CYP4Z1: variants seen among roughly 807,000 people sequenced by gnomAD.
CYP4Z1 encodes cytochrome P450 family 4 subfamily Z member 1, also known as cytochrome P450 4Z1.
CYP4Z1 carries 41 observed loss-of-function variants against 54.2 expected under a neutral mutation model. The observed-to-expected ratio is 0.76, with a 90% confidence interval of 0.59 to 0.98. The LOEUF is 0.98. Ranked by LOEUF, CYP4Z1 falls within the 50% of genes least tolerant of loss-of-function variation. The probability of loss-of-function intolerance (pLI) is 0.00; values close to 1 mark genes in which losing one functional copy is unlikely to be tolerated. For missense variants in CYP4Z1, 513 were observed against 599.0 expected (o/e 0.86, Z 1.50); for synonymous variants, 163 against 206.2 (o/e 0.79, Z 1.79).
intron 7 of CYP4Z1, 110 bp from the exon 8 acceptor site, chr1:47,098,984 A>G: frequency 7.7e-7 from 1 of 1,294,022 alleles, no homozygotes; most frequent in East Asian, 2.4e-5. Flanking sequence ...AATTAGTTGT[A>G]TTAATTTTGA....
At chr1:47,106,456 G>A (rs1644758480) in intron 9 of CYP4Z1, among the ~76,000 whole-genome samples, 195 bp downstream of exon 9, 1 of 152,022 alleles carries the variant, frequency 6.6e-6, no homozygotes, top group South Asian at 2.1e-4. Context: ...AAGGTGCAAA[G>A]GTACAGAATC....
At chr1:47,113,962 C>T (rs1468347265) in intron 9 of CYP4Z1, among the ~76,000 whole-genome samples, 1 of 152,052 alleles carries the variant, frequency 6.6e-6, no homozygotes, top group Non-Finnish European at 1.5e-5. Flanking sequence ...GTTCATATGG[C>T]ACCAAAAAAG....
the CYP4Z1 span, among the ~76,000 whole-genome samples, chr1:47,057,374 AT>A: frequency 8.7e-6 from 1 of 114,578 alleles, no homozygotes; most frequent in Non-Finnish European, 1.8e-5. Context: ...ATATATATAT[AT>A]ATGTATATTC....
intron 9 of CYP4Z1, among the ~76,000 whole-genome samples, chr1:47,109,811 C>A (rs1427968847): frequency 6.7e-6 from 1 of 150,258 alleles, no homozygotes; most frequent in East Asian, 1.9e-4. Flanking sequence ...AGTTTTTTTC[C>A]AGGGAATCTT....
chr1:47,086,081 T>A (rs1346332990), intron 6 of CYP4Z1, among the ~76,000 whole-genome samples: 1 of 152,132 alleles, frequency 6.6e-6, no homozygotes, highest in African/African-American at 2.4e-5. Flanking sequence ...ATTTTCTTAA[T>A]CCAGTCTATC....
chr1:47,105,923 G>A (rs559603972), intron 8 of CYP4Z1, among the ~76,000 whole-genome samples: 2 of 152,194 alleles, frequency 1.3e-5, no homozygotes, highest in Non-Finnish European at 2.9e-5. Context: ...ATCTGCGGGG[G>A]GGGGAGAATC....
chr1:47,078,317 T>C (rs979031532), intron 2 of CYP4Z1, among the ~76,000 whole-genome samples: 13 of 152,198 alleles, frequency 8.5e-5, no homozygotes, highest in Non-Finnish European at 1.8e-4. Flanking sequence ...AATCAACTGT[T>C]GAAACCTTAT....
At chr1:47,095,992 A>G (rs938863785) in intron 7 of CYP4Z1, among the ~76,000 whole-genome samples, 1 of 151,964 alleles carries the variant, frequency 6.6e-6, no homozygotes, top group African/African-American at 2.4e-5. Flanking sequence ...CTCAACTTTC[A>G]TTGTGTTGGC....
Position 47,115,556 on chromosome 1 carries a change from C to G in CYP4Z1, c.1229C>G (p.Ala410Gly). 1 of 1,613,478 alleles carries G rather than the reference C, an allele frequency of 6.2e-7. No individual in the cohort carries two copies. The highest frequency in any genetic ancestry group is 8.5e-7 in the Non-Finnish European group (1 of 1,179,736). Residue 410 changes from alanine (A) to glycine (G), a missense_variant, in exon 10 of 12, where the codon GCT becomes GGT. Coordinates refer to ENST00000334194, the MANE Select transcript of CYP4Z1 (RefSeq NM_178134.3). ...ATAACTGTGTTTATCAATATTTGGG[C>G]TCTTCACCACAACCCCTATTTCTGG... ...AGITVFINIW[A>G]LHHNPYFWED... is the part of the protein sequence containing the mutation.
chr1:47,062,944 C>G (rs1407273989), upstream of CYP4Z1, among the ~76,000 whole-genome samples: 2 of 152,192 alleles, frequency 1.3e-5, no homozygotes, highest in Admixed American at 6.5e-5. Context: ...AAAACCAGTG[C>G]ACTAACAAAA....
chr1:47,114,946 G>A (rs1644818997), intron 9 of CYP4Z1, among the ~76,000 whole-genome samples: 1 of 152,134 alleles, frequency 6.6e-6, no homozygotes, highest in African/African-American at 2.4e-5. Context: ...CCATTACTAG[G>A]TATATACCCA....
chr1:47,112,822 T>C (rs1474967725), intron 9 of CYP4Z1, among the ~76,000 whole-genome samples: 1 of 152,122 alleles, frequency 6.6e-6, no homozygotes, highest in Non-Finnish European at 1.5e-5. Context: ...ATATTAGGAA[T>C]CCATTAATAT....
chr1:47,089,746 T>G (rs932119329), intron 6 of CYP4Z1, among the ~76,000 whole-genome samples: 1 of 152,344 alleles, frequency 6.6e-6, no homozygotes, highest in Non-Finnish European at 1.5e-5. Flanking sequence ...GCTATTTTTT[T>G]GAGAACCCTT....
chr1:47,074,483 T>G (rs1324404459), intron 2 of CYP4Z1, among the ~76,000 whole-genome samples: 1 of 152,118 alleles, frequency 6.6e-6, no homozygotes, highest in Admixed American at 6.5e-5. Flanking sequence ...ATGATGTGAT[T>G]TCATTGTTTT....
Position 47,106,227 on chromosome 1 carries a change from C to A in CYP4Z1, c.1167C>A (p.Pro389=). The change falls in exon 9 of 12, where the codon CCC becomes CCA. Residue 389 remains proline, a synonymous_variant. Transcript: ENST00000334194. ...VVNISRLLDK[P]ITFPDGRSLP... ...ACATATCCCGGTTACTCGACAAACC[C>A]ATCACCTTTCCAGATGGACGCTCCT... The A allele has an allele frequency of 6.2e-7, 1 of 1,613,366 alleles. No homozygotes were observed. Among genetic ancestry groups the A allele is most frequent in the Non-Finnish European group, 8.5e-7 (1 of 1,179,790 alleles).
chr1:47,107,177 TC>T (rs548917965), intron 9 of CYP4Z1, among the ~76,000 whole-genome samples: 1 of 152,340 alleles, frequency 6.6e-6, no homozygotes, highest in South Asian at 2.1e-4. Flanking sequence ...ATGTGTTAAC[TC>T]ATTTTATCCA....
At chr1:47,116,620 T>G (rs10890465) in intron 10 of CYP4Z1, 30 bp from the exon 11 acceptor site, 579,353 of 1,462,014 alleles carry the variant, frequency 0.4, 128,474 homozygotes, top group East Asian at 0.98. Context: ...GCTGGAGGGA[T>G]TAGGACTGGG....
At chr1:47,111,484 T>C (rs1471518884) in intron 9 of CYP4Z1, among the ~76,000 whole-genome samples, 1 of 152,156 alleles carries the variant, frequency 6.6e-6, no homozygotes, top group East Asian at 1.9e-4. Flanking sequence ...TGCCCAGCCC[T>C]GCAATTTTTT....
intron 8 of CYP4Z1, among the ~76,000 whole-genome samples, chr1:47,103,575 C>CT (rs369939162): frequency 0.016 from 2,040 of 128,576 alleles, 51 homozygotes; most frequent in African/African-American, 0.056. Context: ...TCACCTTCTT[C>CT]TTTTTTTTTT....
Sources: allele counts gnomAD v4.1 joint callset (sites outside exome capture counted in the v4.1 genomes callset), GRCh38; gene constraint gnomAD v4.1.1; transcripts MANE v1.5; gene names NCBI Gene and HGNC (gene_info 2026-07-23, HGNC 2026-07-21).